INVS: variants seen among roughly 807,000 people sequenced by gnomAD.
INVS encodes inversion of embryo turning homolog.
In INVS, 86 loss-of-function variants were observed where a neutral mutation model predicts 108.8. The observed-to-expected ratio is 0.79, with a 90% CI of 0.66 to 0.95. The LOEUF (loss-of-function observed/expected upper bound fraction) is 0.95. INVS is among the 40% of genes least tolerant of loss of function. The pLI is 0.00. For synonymous variants in INVS, 455 were observed against 473.5 expected (o/e 0.96, Z 0.51); for missense variants, 1,169 against 1,297.4 (o/e 0.90, Z 1.52).
At chr9:100,205,184 G>C (rs1830638603) in intron 3 of INVS, among the ~76,000 whole-genome samples, 1 of 152,136 alleles carries the variant, frequency 6.6e-6, no homozygotes, top group Non-Finnish European at 1.5e-5. Flanking sequence ...TGGCCACTCT[G>C]CTGGTGACCT....
chr9:100,175,174 T>C (rs1346725521), intron 3 of INVS: 6 of 464,926 alleles, frequency 1.3e-5, no homozygotes. Flanking sequence ...TTTTCAATAA[T>C]AACATGAGTG....
intron 3 of INVS, among the ~76,000 whole-genome samples, chr9:100,157,059 T>C (rs899180971): frequency 6.6e-6 from 1 of 151,564 alleles, no homozygotes; most frequent in Non-Finnish European, 1.5e-5. Flanking sequence ...GGAATACTTT[T>C]TAGCCACTTT....
chr9:100,284,325 G>C lies in INVS; in HGVS notation c.1790G>C (p.Arg597Pro). 1 of 1,613,210 alleles carries C rather than the reference G, an allele frequency of 6.2e-7. No individual in the cohort carries two copies. ...QLRKDAAAKK[R>P]EEENKRKEAE... The stretch of plus-strand genomic sequence containing the variant: ...TTCTTTGGCTTTGCTTCCAGAAAGC[G>C]AGAGGAAGAAAACAAACGAAAAGAG... The change falls in exon 13 of 17, where the codon CGA (arginine) becomes CCA (proline). Residue 597 changes from arginine to proline, a missense_variant. By Grantham distance (103) the Arg-to-Pro change is moderately radical (BLOSUM62 -2). Coordinates refer to ENST00000262457, the MANE Select transcript of INVS (RefSeq NM_014425.5).
At position 100,301,558 on chromosome 9, in the gene INVS, C is replaced by T. The variant is rs1056507540; in HGVS notation, c.*884C>T. Among the ~76,000 whole-genome samples, 3 of 152,192 alleles carry T rather than the reference C, an allele frequency of 2.0e-5. No individual in the cohort carries two copies. The highest frequency in any genetic ancestry group is 4.4e-5 in the Non-Finnish European group (3 of 68,042). Reference sequence around the variant, plus strand: ...CTGTTGGCAGGGAAGAATGAAACGGCACACATCCTAGCATTCTAAGAACAC... The same window carrying T: ...CTGTTGGCAGGGAAGAATGAAACGGTACACATCCTAGCATTCTAAGAACAC... On this transcript the variant is annotated 3_prime_UTR_variant, in exon 17 of 17. Transcript: ENST00000262457.
chr9:100,274,311 T>A (rs1384239092), intron 12 of INVS, among the ~76,000 whole-genome samples: 1 of 151,774 alleles, frequency 6.6e-6, no homozygotes, highest in Non-Finnish European at 1.5e-5. Context: ...TGAGCCCAGA[T>A]GGCACCACTG....
At chr9:100,247,594 C>G (rs2118532559) in intron 8 of INVS, among the ~76,000 whole-genome samples, 2 of 151,814 alleles carry the variant, frequency 1.3e-5, no homozygotes, top group African/African-American at 4.8e-5. Flanking sequence ...CTACTGTTAT[C>G]CTGAATAAGA....
intron 13 of INVS, among the ~76,000 whole-genome samples, chr9:100,285,048 T>C (rs1040631830): frequency 1.3e-5 from 2 of 152,244 alleles, no homozygotes; most frequent in Non-Finnish European, 2.9e-5. Flanking sequence ...CCTGATGCTC[T>C]AAGATTCTTG....
intron 3 of INVS, among the ~76,000 whole-genome samples, chr9:100,196,835 A>G (rs1399377290): frequency 1.3e-5 from 2 of 151,950 alleles, no homozygotes; most frequent in Non-Finnish European, 2.9e-5. Flanking sequence ...GCTATGTTGC[A>G]TTTTCTTCAA....
Position 100,115,665 on chromosome 9 carries a change from G to A in INVS, c.107-10718G>A, listed in dbSNP as rs1032638430. On this transcript the variant is annotated intron_variant, in intron 2 of 16. Coordinates refer to ENST00000262457, the MANE Select transcript of INVS (RefSeq NM_014425.5). ...CTGCATAGTATTCCATGGTGTATAT[G>A]TGCCACATTTTCTTAATCCAGTCTG... Among the ~76,000 whole-genome samples, 10 of 152,236 alleles carry A rather than the reference G, an allele frequency of 6.6e-5. No homozygotes were observed. In the South Asian group the frequency reaches 8.3e-4, roughly 13 times the overall value.
At chr9:100,138,583 A>G (rs1238559646) in intron 3 of INVS, among the ~76,000 whole-genome samples, 1 of 151,914 alleles carries the variant, frequency 6.6e-6, no homozygotes, top group East Asian at 1.9e-4. Context: ...TGCTCAAACA[A>G]ATCTGTCTTA....
chr9:100,244,753 A>T (rs1831991302), intron 7 of INVS, among the ~76,000 whole-genome samples: 1 of 152,200 alleles, frequency 6.6e-6, no homozygotes, highest in Admixed American at 6.5e-5. Context: ...TCCCCTACAC[A>T]CACAGAGCCC....
Position 100,259,557 on chromosome 9 carries a change from CT to C in INVS, c.1465-5248del, listed in dbSNP as rs35844010. 2.5e-3 allele frequency among the ~76,000 whole-genome samples: 330 copies of C among 132,938 alleles called. 1 individual carries two copies. The highest frequency in any genetic ancestry group is 0.01 in the East Asian group (48 of 4,702). The allele number at this position is 132,938 out of a possible 152,430, so 87.2% of individuals were successfully genotyped here. ...TGTTTGGCCATCTTGGAACTGGGGC[CT>C]TTTTTTTTTTTTTTTTCCTCCCAGG... On this transcript the variant is annotated intron_variant, in intron 10 of 16. Coordinates refer to ENST00000262457, the MANE Select transcript of INVS (RefSeq NM_014425.5).
chr9:100,281,193 A>G (rs1833265142), intron 12 of INVS, among the ~76,000 whole-genome samples: 1 of 152,210 alleles, frequency 6.6e-6, no homozygotes, highest in African/African-American at 2.4e-5. Flanking sequence ...TTACCAGGAG[A>G]TAAAGCAGCT....
chr9:100,105,050 A>G (rs995096111), intron 2 of INVS, among the ~76,000 whole-genome samples: 2 of 152,334 alleles, frequency 1.3e-5, no homozygotes, highest in Middle Eastern at 3.4e-3. Context: ...AGTGATATAT[A>G]GAGAGGTCCA....
rs181371532 is a variant in INVS, at chr9:100,152,700, G to T, written c.273+26151G>T. 2.9e-3 allele frequency among the ~76,000 whole-genome samples: 447 copies of T among 152,094 alleles called. 1 individual carries two copies. Among genetic ancestry groups the T allele is most frequent in the Middle Eastern group, 6.8e-3 (2 of 294 alleles). On this transcript the variant is annotated intron_variant, in intron 3 of 16. Coordinates refer to ENST00000262457, the MANE Select transcript of INVS (RefSeq NM_014425.5). ...TCAAAGTATTTTAAATTCAACCTTTGTCTAAATATGTGGTCTTTCAGATTT... is the reference window on the plus strand; with the variant it reads ...TCAAAGTATTTTAAATTCAACCTTTTTCTAAATATGTGGTCTTTCAGATTT...
intron 3 of INVS, among the ~76,000 whole-genome samples, chr9:100,187,127 A>G (rs1415987204): frequency 6.6e-6 from 1 of 151,922 alleles, no homozygotes; most frequent in Non-Finnish European, 1.5e-5. Context: ...TTTTTCCCCA[A>G]TTTATGTTTT....
intron 3 of INVS, among the ~76,000 whole-genome samples, chr9:100,154,274 C>G (rs976326354): frequency 1.3e-5 from 2 of 151,130 alleles, no homozygotes; most frequent in Admixed American, 1.3e-4. Flanking sequence ...AGTGAATCAT[C>G]CCACCTTAGG....
chr9:100,110,101 A>T (rs1447955188), intron 2 of INVS, among the ~76,000 whole-genome samples: 1 of 152,266 alleles, frequency 6.6e-6, no homozygotes, highest in African/African-American at 2.4e-5. Flanking sequence ...GAGTCATTAA[A>T]TGTTTTTAAA....
chr9:100,099,739 C>T (rs529987610), intron 1 of INVS, among the ~76,000 whole-genome samples: 1 of 152,288 alleles, frequency 6.6e-6, no homozygotes, highest in South Asian at 2.1e-4. Context: ...GCGTGGATCG[C>T]TCCTCCAGTA....
Sources: gnomAD v4.1 joint callset for allele counts (sites outside exome capture counted in the v4.1 genomes callset) on GRCh38, gnomAD v4.1.1 for gene constraint, MANE v1.5 for transcripts, NCBI Gene and HGNC (gene_info 2026-07-23, HGNC 2026-07-21) for gene names.